MCPH1: variants seen among roughly 807,000 people sequenced by gnomAD.
The protein encoded by MCPH1 is microcephalin 1.
MCPH1 carries 104 observed loss-of-function variants against 84.5 expected under a neutral mutation model. The ratio of observed to expected loss-of-function variants is 1.23; its 90% CI spans 1.05 to 1.45. The LOEUF is 1.45. Ranked by LOEUF, MCPH1 falls within the 40% of genes most tolerant of loss-of-function variation. MCPH1 has a pLI of 0.00. For synonymous variants in MCPH1, 514 were observed against 366.8 expected (o/e 1.40, Z -4.58); for missense variants, 1,498 against 1,005.7 (o/e 1.49, Z -6.62).
chr8:6,639,190 T>A (rs779787832), intron 13 of MCPH1, among the ~76,000 whole-genome samples: 3 of 152,122 alleles, frequency 2.0e-5, no homozygotes, highest in Admixed American at 6.6e-5. Context: ...GATGGATGGG[T>A]AGACGGGTGC....
chr8:6,537,706 G>A lies in MCPH1; in HGVS notation c.2214+37777G>A, dbSNP rs118189709. Among the ~76,000 whole-genome samples the A allele has an allele frequency of 4.0e-3, 613 of 152,062 alleles. 6 individuals are homozygous for A. Among genetic ancestry groups the A allele is most frequent in the East Asian group, 0.022 (113 of 5,180 alleles). On this transcript the variant is annotated intron_variant, in intron 12 of 13. Coordinates refer to ENST00000344683, the MANE Select transcript of MCPH1 (RefSeq NM_024596.5). Reference sequence around the variant, plus strand: ...TGGCAGATTGATTACACATTTAAAAGTTTATCTGGCTATCTTCCTTCTCAC... The same window carrying A: ...TGGCAGATTGATTACACATTTAAAAATTTATCTGGCTATCTTCCTTCTCAC...
At chr8:6,543,305 A>C (rs1010964487) in intron 12 of MCPH1, among the ~76,000 whole-genome samples, 1 of 152,140 alleles carries the variant, frequency 6.6e-6, no homozygotes, top group Non-Finnish European at 1.5e-5. Flanking sequence ...GCCGTCCGCA[A>C]ATGTGTTTGT....
intron 3 of MCPH1, among the ~76,000 whole-genome samples, chr8:6,419,128 TACACACAC>T (rs59016342): frequency 9.7e-5 from 14 of 144,616 alleles, no homozygotes; most frequent in Non-Finnish European, 1.8e-4. Context: ...TATATACACA[TACACACAC>T]ACACACACAC....
At chr8:6,495,125 T>C (rs1420655385) in intron 11 of MCPH1, among the ~76,000 whole-genome samples, 3 of 152,232 alleles carry the variant, frequency 2.0e-5, no homozygotes, top group African/African-American at 7.2e-5. Context: ...GACTAGACCT[T>C]TATTTTCTGG....
At chr8:6,518,233 C>A (rs1293960418) in intron 12 of MCPH1, among the ~76,000 whole-genome samples, 1 of 152,168 alleles carries the variant, frequency 6.6e-6, no homozygotes, top group Non-Finnish European at 1.5e-5. Flanking sequence ...CTCTGTCCCC[C>A]CTCTTGACAC....
intron 5 of MCPH1, among the ~76,000 whole-genome samples, chr8:6,437,568 TG>T (rs920070143): frequency 9.2e-5 from 14 of 152,192 alleles, no homozygotes; most frequent in African/African-American, 3.4e-4. Context: ...GCGACAGAAC[TG>T]GGTAGAACAC....
intron 12 of MCPH1, among the ~76,000 whole-genome samples, chr8:6,560,961 A>G (rs541956941): frequency 2.0e-5 from 3 of 152,228 alleles, no homozygotes; most frequent in African/African-American, 7.2e-5. Context: ...GCAGATTAGA[A>G]TATTTACTGC....
intron 3 of MCPH1, among the ~76,000 whole-genome samples, chr8:6,424,923 C>G (rs2129553167): frequency 6.6e-6 from 1 of 152,344 alleles, no homozygotes; most frequent in South Asian, 2.1e-4. Context: ...TTTTACCTCA[C>G]TAACACAGTG....
At chr8:6,603,136 C>G (rs539907667) in intron 12 of MCPH1, among the ~76,000 whole-genome samples, 29 of 152,180 alleles carry the variant, frequency 1.9e-4, no homozygotes, top group African/African-American at 6.7e-4. Context: ...AAAGTCAAAT[C>G]AGAAAGTGAT....
intron 12 of MCPH1, among the ~76,000 whole-genome samples, chr8:6,536,156 C>T (rs935782603): frequency 2.0e-5 from 3 of 152,128 alleles, no homozygotes; most frequent in Admixed American, 6.5e-5. Flanking sequence ...ATGTGACAGT[C>T]AGGTACTCTT....
intron 12 of MCPH1, among the ~76,000 whole-genome samples, chr8:6,563,800 T>C (rs999869740): frequency 2.6e-5 from 4 of 152,202 alleles, no homozygotes; most frequent in Admixed American, 2.6e-4. Flanking sequence ...AACAGTTGGA[T>C]AGAAAGATCT....
chr8:6,523,107 C>T (rs1428479944), intron 12 of MCPH1, among the ~76,000 whole-genome samples: 1 of 152,016 alleles, frequency 6.6e-6, no homozygotes, highest in Non-Finnish European at 1.5e-5. Context: ...AAGCTATTCT[C>T]CTGCCTCAGT....
At chr8:6,599,920 A>C (rs1829232878) in intron 12 of MCPH1, among the ~76,000 whole-genome samples, 1 of 152,276 alleles carries the variant, frequency 6.6e-6, no homozygotes, top group Admixed American at 6.5e-5. Flanking sequence ...CAATGCAATT[A>C]CTAATTCAAA....
intron 3 of MCPH1, among the ~76,000 whole-genome samples, chr8:6,422,078 T>C (rs994027276): frequency 3.9e-5 from 6 of 152,258 alleles, no homozygotes; most frequent in African/African-American, 1.4e-4. Flanking sequence ...TTCCTGTGTG[T>C]ACTATTAAAA....
chr8:6,505,185 T>A (rs1813055979), intron 12 of MCPH1, among the ~76,000 whole-genome samples: 1 of 142,738 alleles, frequency 7.0e-6, no homozygotes, highest in Non-Finnish European at 1.5e-5. Flanking sequence ...AATATATATA[T>A]ATATATTCTT....
intron 9 of MCPH1, among the ~76,000 whole-genome samples, chr8:6,455,537 G>C (rs988565877): frequency 6.6e-6 from 1 of 152,202 alleles, no homozygotes; most frequent in Non-Finnish European, 1.5e-5. Flanking sequence ...GGTTGTGCCA[G>C]TGTTTCTTGC....
chr8:6,467,742 A>G (rs1158466042), intron 9 of MCPH1, among the ~76,000 whole-genome samples: 1 of 152,170 alleles, frequency 6.6e-6, no homozygotes, highest in Non-Finnish European at 1.5e-5. Context: ...GACTCCAGGC[A>G]GGTGCCACCA....
In MCPH1 at chr8:6,488,396, G is replaced by C. The variant is rs1042117291; in HGVS notation, c.2136+7520G>C. Among the ~76,000 whole-genome samples the C allele has an allele frequency of 1.3e-5, 2 of 152,212 alleles. 1 individual carries two copies. The highest frequency in any genetic ancestry group is 4.8e-5 in the African/African-American group (2 of 41,464). ...CATTTGGAAAGATGTGGAGAAACCT[G>C]TGAGTGCTAAGAATGACTGATGTTA... On this transcript the variant is annotated intron_variant, in intron 11 of 13. Coordinates refer to ENST00000344683, the MANE Select transcript of MCPH1 (RefSeq NM_024596.5).
intron 12 of MCPH1, among the ~76,000 whole-genome samples, chr8:6,520,896 T>C (rs1224325674): frequency 6.6e-6 from 1 of 152,256 alleles, no homozygotes; most frequent in Non-Finnish European, 1.5e-5. Context: ...GGCTGTGGTT[T>C]AGTAATTTGC....
Sources: gnomAD v4.1 joint callset for allele counts (sites outside exome capture counted in the v4.1 genomes callset) on GRCh38, gnomAD v4.1.1 for gene constraint, MANE v1.5 for transcripts, NCBI Gene and HGNC (gene_info 2026-07-23, HGNC 2026-07-21) for gene names.